The following ERVW-1 variants were observed in gnomAD, a reference collection of about 807,000 sequenced individuals.
The protein encoded by ERVW-1 is endogenous retrovirus group W member 1, envelope, also known as syncytin-1.
A neutral mutation model predicts 16.6 loss-of-function variants in ERVW-1; 21 were observed. The observed-to-expected ratio is 1.26, with a 90% CI of 0.90 to 1.82. The LOEUF (loss-of-function observed/expected upper bound fraction) is 1.82. Among genes scored for constraint, ERVW-1 ranks in the 40% most tolerant of loss-of-function variants. The probability of loss-of-function intolerance (pLI) is 0.00; values close to 1 mark genes in which losing one functional copy is unlikely to be tolerated. For missense variants in ERVW-1, 412 were observed against 300.2 expected (o/e 1.37, Z -2.75); for synonymous variants, 161 against 109.8 (o/e 1.47, Z -2.92).
chr7:92,475,517 G>A (rs1020613649), intron 1 of ERVW-1, among the ~76,000 whole-genome samples: 3 of 152,134 alleles, frequency 2.0e-5, no homozygotes, highest in Non-Finnish European at 4.4e-5. Context: ...GGTCCAGGCT[G>A]CTGGATTCTA....
intron 1 of ERVW-1, among the ~76,000 whole-genome samples, chr7:92,475,507 G>A (rs2115969502): frequency 6.6e-6 from 1 of 152,266 alleles, no homozygotes; most frequent in Non-Finnish European, 1.5e-5. Context: ...CAAAGAAAGG[G>A]GTCCAGGCTG....
chr7:92,475,714 G>T (rs982733469), intron 1 of ERVW-1, among the ~76,000 whole-genome samples: 1 of 152,084 alleles, frequency 6.6e-6, no homozygotes. Context: ...GATTCTAGTG[G>T]TCCTTTACCA....
intron 1 of ERVW-1, among the ~76,000 whole-genome samples, chr7:92,473,416 A>G (rs1285553122): frequency 6.6e-6 from 1 of 151,996 alleles, no homozygotes; most frequent in East Asian, 1.9e-4. Flanking sequence ...TGCCTTTGGT[A>G]GGGAAAGGAG....
Position 92,470,474 on chromosome 7 carries a change from C to A in ERVW-1, c.-93G>T, listed in dbSNP as rs189625987. On this transcript the variant is annotated 5_prime_UTR_variant, in exon 2 of 2. Transcript: ENST00000603053. Reference sequence around the variant, plus strand: ...GGTTCACAGGAATAGCTAGCGTTGTCTCCTGGATTTTCAGGTTCCTTTGGC... The same window carrying A: ...GGTTCACAGGAATAGCTAGCGTTGTATCCTGGATTTTCAGGTTCCTTTGGC... 3.9e-4 allele frequency: 235 copies of A among 601,362 alleles called. 1 individual carries two copies. In the Admixed American group the frequency reaches 7.2e-3, roughly 18 times the overall value. 37.3% of individuals were successfully genotyped at this position (601,362 alleles called of 1,614,324 possible).
In ERVW-1 at chr7:92,477,452, G is replaced by A. The variant is rs1054621291; in HGVS notation, c.-298C>T. 1 of 152,480 alleles carries A rather than the reference G, an allele frequency of 6.6e-6. No individual in the cohort carries two copies. Among genetic ancestry groups the A allele is most frequent in the Non-Finnish European group, 1.5e-5 (1 of 68,190 alleles). 9.4% of individuals were successfully genotyped at this position (152,480 alleles called of 1,614,324 possible). Reference sequence around the variant, plus strand: ...CCTTGCTCACAGAGCTCCCAAGATGGTGGTGAACCACTTCCAAGATGGTAG... The same window carrying A: ...CCTTGCTCACAGAGCTCCCAAGATGATGGTGAACCACTTCCAAGATGGTAG... On this transcript the variant is annotated 5_prime_UTR_variant, in exon 1 of 2. Transcript: ENST00000603053.
At chr7:92,474,312 C>G (rs1430296236) in intron 1 of ERVW-1, among the ~76,000 whole-genome samples, 2 of 152,178 alleles carry the variant, frequency 1.3e-5, no homozygotes, top group African/African-American at 4.8e-5. Flanking sequence ...TAAACTTACG[C>G]TTTAAGATTA....
intron 1 of ERVW-1, among the ~76,000 whole-genome samples, chr7:92,473,433 T>C (rs1223124866): frequency 6.6e-6 from 1 of 151,932 alleles, no homozygotes; most frequent in African/African-American, 2.4e-5. Flanking sequence ...GGAGGTGGAA[T>C]CCTTTAGTTT....
Position 92,469,163 on chromosome 7 carries a change from A to C in ERVW-1, c.1219T>G (p.Tyr407Asp), listed in dbSNP as rs1486904515. ...GTGACGATTCCGGATTGATTAACAT[A>C]ATAACAGCATTCTTCCCCTAAAAAT... ...CLFLGEECCY[Y>D]VNQSGIVTEK... The change falls in exon 2 of 2, where the codon TAT becomes GAT. Residue 407 changes from tyrosine to aspartate, a missense_variant. Transcript: ENST00000603053. The C allele has an allele frequency of 9.9e-6, 7 of 708,688 alleles. No homozygotes were observed. Among genetic ancestry groups the C allele is most frequent in the Non-Finnish European group, 1.5e-5 (6 of 388,752 alleles). 43.9% of individuals were successfully genotyped at this position (708,688 alleles called of 1,614,324 possible).
At position 92,477,784 on chromosome 7, in the gene ERVW-1, CAG is replaced by C. The variant is rs1790607490; in HGVS notation, c.-632_-631del. 1 of 181,466 alleles carries C rather than the reference CAG, an allele frequency of 5.5e-6. No homozygotes were observed. The highest frequency in any genetic ancestry group is 1.1e-5 in the Non-Finnish European group (1 of 90,958). The allele number at this position is 181,466 out of a possible 1,614,324, so 11.2% of individuals were successfully genotyped here. ...GATCCAGAGGGATGGGAGTCAGCGG[CAG>C]GTCTGCGGTGGTGGCAAACAGCAGT... On this transcript the variant is annotated 5_prime_UTR_variant, in exon 1 of 2. The change abolishes the stop of an existing upstream ORF in the 5' untranslated region. Transcript: ENST00000603053.
At chr7:92,471,510 G>A (rs924263494) in intron 1 of ERVW-1, 1 of 152,196 alleles carries the variant, frequency 6.6e-6, no homozygotes, top group African/African-American at 2.4e-5. Flanking sequence ...CGTCCCGAGG[G>A]GAGAAAACTG....
In ERVW-1 at chr7:92,469,797, C is replaced by G. The variant is rs750618070; in HGVS notation, c.585G>C (p.Arg195Ser). 15 of 765,966 alleles carry G rather than the reference C, an allele frequency of 2.0e-5. No homozygotes were observed. The highest frequency in any genetic ancestry group is 2.9e-5 in the Non-Finnish European group (12 of 417,372). The allele number at this position is 765,966 out of a possible 1,614,324, so 47.4% of individuals were successfully genotyped here. ...CAGGTACAGGGATTGAAACATATGG[C>G]CTGAAGTTCAGGGGGAGGCATATCC... ...NCWICLPLNF[R>S]PYVSIPVPEQ... The change falls in exon 2 of 2, where the codon AGG becomes AGC. Residue 195 changes from arginine to serine, a missense_variant. Physicochemically the swap from Arg to Ser is moderately radical, Grantham distance 110. Coordinates refer to ENST00000603053, the MANE Select transcript of ERVW-1 (RefSeq NM_001130925.2).
At position 92,470,578 on chromosome 7, in the gene ERVW-1, A is replaced by G. The variant is rs1341114485; in HGVS notation, c.-197T>C. The G allele has an allele frequency of 1.9e-6, 1 of 516,520 alleles. No homozygotes were observed. Among genetic ancestry groups the G allele is most frequent in the African/African-American group, 1.9e-5 (1 of 51,450 alleles). The allele number at this position is 516,520 out of a possible 1,614,324, so 32.0% of individuals were successfully genotyped here. ...TTTAACCGCAGTTGGGGTAGATAAA[A>G]TGACTGGGTAGGGTCCTTCCCAGGA... is the stretch of plus-strand genomic sequence containing the variant. On this transcript the variant is annotated 5_prime_UTR_variant, in exon 2 of 2. Coordinates refer to ENST00000603053, the MANE Select transcript of ERVW-1 (RefSeq NM_001130925.2).
Position 92,470,202 on chromosome 7 carries a change from G to A in ERVW-1, c.180C>T (p.Pro60=), listed in dbSNP as rs781516017. The stretch of plus-strand genomic sequence containing the variant: ...GCATATGGGTGTGGGCAGTGAAGGT[G>A]GGGGTTCCCTTAGAAAGACTCCTAT... ...PSYRSLSKGT[P]TFTAHTHMPR... The change falls in exon 2 of 2, where the codon CCC becomes CCT. Residue 60 remains proline (P), a synonymous_variant. Coordinates refer to ENST00000603053, the MANE Select transcript of ERVW-1 (RefSeq NM_001130925.2). 1 of 778,584 alleles carries A rather than the reference G, an allele frequency of 1.3e-6. No individual in the cohort carries two copies. Among genetic ancestry groups the A allele is most frequent in the Non-Finnish European group, 2.4e-6 (1 of 417,786 alleles). 48.2% of individuals were successfully genotyped at this position (778,584 alleles called of 1,614,324 possible).
At chr7:92,472,290 A>T (rs1237109665) in intron 1 of ERVW-1, 1 of 152,230 alleles carries the variant, frequency 6.6e-6, no homozygotes, top group Non-Finnish European at 1.5e-5. Flanking sequence ...AGCAGTGAGT[A>T]TGCCATTCAC....
chr7:92,476,642 A>G (rs1423718078), intron 1 of ERVW-1, among the ~76,000 whole-genome samples: 4 of 146,242 alleles, frequency 2.7e-5, no homozygotes, highest in African/African-American at 1.0e-4. Context: ...TGTCTCTCTC[A>G]CTGTCTCTCT....
chr7:92,473,283 G>A (rs1472154359), intron 1 of ERVW-1: 2 of 152,080 alleles, frequency 1.3e-5, no homozygotes, highest in Non-Finnish European at 1.5e-5. Flanking sequence ...CTGTCTGTTG[G>A]GTTTCTGTAC....
chr7:92,473,539 C>T lies in ERVW-1; in HGVS notation c.-227-2931G>A, dbSNP rs193214941. Among the ~76,000 whole-genome samples the T allele has an allele frequency of 3.4e-3, 513 of 152,136 alleles. 5 individuals carry two copies. The highest frequency in any genetic ancestry group is 0.011 in the African/African-American group (453 of 41,506). On this transcript the variant is annotated intron_variant, in intron 1 of 1. Coordinates refer to ENST00000603053, the MANE Select transcript of ERVW-1 (RefSeq NM_001130925.2). Reference sequence around the variant, plus strand: ...CCTTCCTCAAGCAGGGGACAACAAACGGGTGTTCCTTCTCCTATGTTCAGG... The same window carrying T: ...CCTTCCTCAAGCAGGGGACAACAAATGGGTGTTCCTTCTCCTATGTTCAGG...
chr7:92,468,577 G>T lies in ERVW-1; in HGVS notation c.*188C>A, dbSNP rs544641406. 13 of 474,912 alleles carry T rather than the reference G, an allele frequency of 2.7e-5. No individual in the cohort carries two copies. The highest frequency in any genetic ancestry group is 1.9e-4 in the Admixed American group (5 of 26,332). The allele number at this position is 474,912 out of a possible 1,614,324, so 29.4% of individuals were successfully genotyped here. A position where few individuals can be genotyped will look rare whatever the true frequency, so the allele number is the denominator to read the frequency against. ...CTGTCTTTGCCTAATTAGCATTTTA[G>T]TGAGCTCTCTGATTGGTCAGGTGTG... On this transcript the variant is annotated 3_prime_UTR_variant, in exon 2 of 2. Coordinates refer to ENST00000603053, the MANE Select transcript of ERVW-1 (RefSeq NM_001130925.2).
chr7:92,473,244 A>G (rs551951108), intron 1 of ERVW-1: 2 of 152,298 alleles, frequency 1.3e-5, no homozygotes, highest in African/African-American at 4.8e-5. Flanking sequence ...AGCCTCATTG[A>G]TAATCCTGAG....
Sources: gnomAD v4.1 joint callset for allele counts (sites outside exome capture counted in the v4.1 genomes callset) on GRCh38, gnomAD v4.1.1 for gene constraint, MANE v1.5 for transcripts, NCBI Gene and HGNC (gene_info 2026-07-23, HGNC 2026-07-21) for gene names.